The following MED23 variants were observed in gnomAD, a reference collection of about 807,000 sequenced individuals.
MED23 encodes the protein mediator complex subunit 23, also known as mediator of RNA polymerase II transcription subunit 23.
Under a neutral mutation model 163.9 loss-of-function variants are expected in MED23, and 105 were observed. That is an observed-to-expected ratio of 0.64 (90% CI 0.55 to 0.75). The LOEUF (loss-of-function observed/expected upper bound fraction) is 0.75. MED23 is among the 30% of genes least tolerant of loss of function. The pLI, the probability that MED23 is intolerant of heterozygous loss-of-function variation, is 0.00. For synonymous variants in MED23, 561 were observed against 565.6 expected (o/e 0.99, Z 0.12); for missense variants, 1,054 against 1,649.0 (o/e 0.64, Z 6.25).
chr6:131,620,943 T>C lies in MED23; in HGVS notation c.496-214A>G, dbSNP rs190185402. Among the ~76,000 whole-genome samples the C allele has an allele frequency of 3.4e-3, 518 of 152,020 alleles. 4 individuals are homozygous for C. The highest frequency in any genetic ancestry group is 0.012 in the African/African-American group (497 of 41,480). On this transcript the variant is annotated intron_variant, in intron 6 of 28. Coordinates refer to ENST00000368068, the MANE Select transcript of MED23 (RefSeq NM_004830.4). The stretch of plus-strand genomic sequence containing the variant: ...TCAGCCTCCAGAGTAGCTGGGACTA[T>C]AGGTGTATGCCAGCAGGCCCGGCTA...
downstream of MED23, chr6:131,582,785 C>A: frequency 1.5e-6 from 2 of 1,293,776 alleles, no homozygotes; most frequent in Non-Finnish European, 2.3e-6. Context: ...CTTTACTGAC[C>A]AACTCTATGA....
At chr6:131,627,130 A>T in intron 3 of MED23, 55 of 349,716 alleles carry the variant, frequency 1.6e-4, no homozygotes, top group Non-Finnish European at 2.0e-4. Flanking sequence ...GATGAAAATG[A>T]TCTCAATTAA....
intron 30 of MED23, among the ~76,000 whole-genome samples, chr6:131,576,422 T>C (rs1405919381): frequency 6.6e-6 from 1 of 152,226 alleles, no homozygotes; most frequent in African/African-American, 2.4e-5. Context: ...TGCCACTTAT[T>C]AGCTGTGTGC....
chr6:131,598,221 G>A lies in MED23; in HGVS notation c.2607+66C>T, dbSNP rs906828512. 4 of 1,435,050 alleles carry A rather than the reference G, an allele frequency of 2.8e-6. No homozygotes were observed. Among genetic ancestry groups the A allele is most frequent in the Non-Finnish European group, 3.9e-6 (4 of 1,019,362 alleles). 88.9% of individuals were successfully genotyped at this position (1,435,050 alleles called of 1,614,324 possible). A position where few individuals can be genotyped will look rare whatever the true frequency, so the allele number is the denominator to read the frequency against. On this transcript the variant is annotated intron_variant, in intron 20 of 28. Coordinates refer to ENST00000368068, the MANE Select transcript of MED23 (RefSeq NM_004830.4). The surrounding 1 kb of genome is among the most constrained non-coding windows in gnomAD (Gnocchi z 4.7). ...CTTCAAAGCAATATAGAGCAGATTGGCATAACATATATTAGTCATACATCT... is the reference window on the plus strand; with the variant it reads ...CTTCAAAGCAATATAGAGCAGATTGACATAACATATATTAGTCATACATCT...
chr6:131,584,657 A>C (rs1774109940), downstream of MED23, among the ~76,000 whole-genome samples: 1 of 135,124 alleles, frequency 7.4e-6, no homozygotes, highest in African/African-American at 3.2e-5. Context: ...CTTTAAAAGC[A>C]TGGTTGCTAT....
At chr6:131,583,902 TAAGTAA>T, downstream of MED23, 1 of 1,614,072 alleles carries the variant, frequency 6.2e-7, no homozygotes, top group Non-Finnish European at 8.5e-7. Flanking sequence ...TTAACCCACC[TAAGTAA>T]ATGTGGAAAC....
intron 10 of MED23, among the ~76,000 whole-genome samples, chr6:131,613,569 G>A (rs975024071): frequency 5.9e-5 from 9 of 152,032 alleles, no homozygotes; most frequent in African/African-American, 1.4e-4. Context: ...GTGTGTTCTC[G>A]TTTTCTAGTC....
At chr6:131,576,703 A>G in intron 30 of MED23, 1 of 1,614,144 alleles carries the variant, frequency 6.2e-7, no homozygotes, top group South Asian at 1.1e-5. Flanking sequence ...GTATTGAGAA[A>G]GGCTGGTCTG....
chr6:131,617,040 T>C (rs1776742605), intron 9 of MED23, among the ~76,000 whole-genome samples: 5 of 151,614 alleles, frequency 3.3e-5, no homozygotes, highest in Admixed American at 3.3e-4. Flanking sequence ...CCTAGTTATA[T>C]TTGTTAATTT....
chr6:131,585,434 C>T (rs1774143438), downstream of MED23, among the ~76,000 whole-genome samples: 1 of 152,180 alleles, frequency 6.6e-6, no homozygotes, highest in Admixed American at 6.5e-5. Flanking sequence ...CCTCTAATAA[C>T]TCCTAGGCCT....
In MED23 at chr6:131,610,028, A is replaced by G; in HGVS notation, c.1077+18T>C. 6.2e-7 allele frequency: 1 copy of G among 1,609,912 alleles called. No individual in the cohort carries two copies. Among genetic ancestry groups the G allele is most frequent in the Non-Finnish European group, 8.5e-7 (1 of 1,176,222 alleles). On this transcript the variant is annotated intron_variant, in intron 11 of 28. Coordinates refer to ENST00000368068, the MANE Select transcript of MED23 (RefSeq NM_004830.4). ...ATCAACAGGTGAAGTCACTCCGACC[A>G]TAAGATTTAGTACATACCTTCTGAT...
At position 131,596,445 on chromosome 6, in the gene MED23, G is replaced by A. The variant is rs569616354; in HGVS notation, c.2778+73C>T. 3.0e-5 allele frequency: 46 copies of A among 1,531,862 alleles called. 1 individual carries two copies. Among genetic ancestry groups the A allele is most frequent in the Middle Eastern group, 3.4e-4 (2 of 5,830 alleles). 94.9% of individuals were successfully genotyped at this position (1,531,862 alleles called of 1,614,324 possible). On this transcript the variant is annotated intron_variant, in intron 21 of 28. Coordinates refer to ENST00000368068, the MANE Select transcript of MED23 (RefSeq NM_004830.4). ...AAAACATTAGAACCAGAGAGAAAAC[G>A]GCCAAATCACTTCATCAAATACTCA... is the stretch of plus-strand genomic sequence containing the variant.
intron 26 of MED23, among the ~76,000 whole-genome samples, chr6:131,590,801 T>C (rs767022944): frequency 4.6e-5 from 7 of 152,000 alleles, no homozygotes; most frequent in Non-Finnish European, 8.8e-5. Context: ...TTATTTTTAG[T>C]AGAGACGGGG....
At chr6:131,605,525 A>G (rs928894009) in intron 13 of MED23, 40 bp from the exon 14 acceptor site, 5 of 1,503,304 alleles carry the variant, frequency 3.3e-6, no homozygotes, top group Non-Finnish European at 4.5e-6. Context: ...AAATGAAAAT[A>G]ACTTCCATAA....
intron 9 of MED23, among the ~76,000 whole-genome samples, chr6:131,616,329 A>C (rs894415679): frequency 2.0e-5 from 3 of 152,178 alleles, no homozygotes; most frequent in African/African-American, 7.2e-5. Flanking sequence ...AGAAGGTTTA[A>C]ATTTTTTAAA....
At chr6:131,579,354 A>G (rs1381088839) in intron 30 of MED23, 1 of 1,553,668 alleles carries the variant, frequency 6.4e-7, no homozygotes, top group South Asian at 1.2e-5. Context: ...AAGAAGAGAG[A>G]AAATTTAGAA....
Position 131,603,214 on chromosome 6 carries a change from A to T in MED23, c.1757-10T>A. On this transcript the variant is annotated splice_polypyrimidine_tract_variant and intron_variant, in intron 15 of 28. Coordinates refer to ENST00000368068, the MANE Select transcript of MED23 (RefSeq NM_004830.4). ...GTTGGCAAAAGCTGACCTGGAGGAA[A>T]AAGACAATTTAAGGTACCAATTATT... 1.2e-6 allele frequency: 2 copies of T among 1,613,658 alleles called. No individual in the cohort carries two copies. The highest frequency in any genetic ancestry group is 1.7e-6 in the Non-Finnish European group (2 of 1,179,614).
Position 131,602,093 on chromosome 6 carries a change from A to G in MED23, c.2095+125T>C. 3.6e-6 allele frequency: 4 copies of G among 1,122,912 alleles called. No homozygotes were observed. The South Asian group carries it at 4.0e-5, about 11-fold the overall frequency. 69.6% of individuals were successfully genotyped at this position (1,122,912 alleles called of 1,614,324 possible). Reference sequence around the variant, plus strand: ...AATGAGTGAAATAGTGAAGATATCAAAACAACAGGCTTTTTTCAAACAAAT... The same window carrying G: ...AATGAGTGAAATAGTGAAGATATCAGAACAACAGGCTTTTTTCAAACAAAT... On this transcript the variant is annotated intron_variant, in intron 17 of 28. Coordinates refer to ENST00000368068, the MANE Select transcript of MED23 (RefSeq NM_004830.4).
At chr6:131,595,575 A>C (rs1366481283) in intron 22 of MED23, among the ~76,000 whole-genome samples, 4 of 152,158 alleles carry the variant, frequency 2.6e-5, no homozygotes, top group Admixed American at 2.0e-4. Context: ...CCAATGTAGC[A>C]ATTTTTCTTC....
Sources: gnomAD v4.1 joint callset for allele counts (sites outside exome capture counted in the v4.1 genomes callset) on GRCh38, gnomAD v4.1.1 for gene constraint, Gnocchi (gnomAD v3.1) non-coding constraint, MANE v1.5 for transcripts, NCBI Gene and HGNC (gene_info 2026-07-23, HGNC 2026-07-21) for gene names.